Variants in KPNA7 observed in about 807,000 individuals in gnomAD.
The protein encoded by KPNA7 is karyopherin subunit alpha 7.
In KPNA7, 54 loss-of-function variants were observed where a neutral mutation model predicts 53.7. The ratio of observed to expected loss-of-function variants is 1.01; its 90% CI spans 0.81 to 1.26. The LOEUF (loss-of-function observed/expected upper bound fraction) is 1.26, where lower values mean the gene tolerates loss of function less well. Ranked by LOEUF, KPNA7 falls within the 50% of genes most tolerant of loss-of-function variation. The pLI is 0.00. For missense variants in KPNA7, 640 were observed against 644.5 expected (o/e 0.99, Z 0.07); for synonymous variants, 276 against 259.3 (o/e 1.06, Z -0.62).
chr7:99,180,727 GTCTCTCTCTCTCCCCGTGTCTC>G lies in KPNA7; in HGVS notation c.1317+1134_1317+1155del, dbSNP rs1563067956. 1.8e-4 allele frequency among the ~76,000 whole-genome samples: 16 copies of G among 89,540 alleles called. 1 individual carries two copies. The highest frequency in any genetic ancestry group is 6.1e-4 in the East Asian group (2 of 3,266). The allele number at this position is 89,540 out of a possible 152,430, so 58.7% of individuals were successfully genotyped here. On this transcript the variant is annotated intron_variant, in intron 9 of 10. Transcript: ENST00000327442. ...TGTGTCTCTCTCTCTCTCCGTCTGT[GTCTCTCTCTCTCCCCGTGTCTC>G]TCTCTCTCTCCCCGTCTGTGTCTCT...
intron 6 of KPNA7, among the ~76,000 whole-genome samples, chr7:99,190,340 AAAAAAAAAAGC>A (rs1229402563): frequency 6.6e-6 from 1 of 151,578 alleles, no homozygotes; most frequent in Non-Finnish European, 1.5e-5. Flanking sequence ...TGTCTCAAAA[AAAAAAAAAAGC>A]AGAAAAAAAA....
the KPNA7 span, among the ~76,000 whole-genome samples, chr7:99,152,617 T>A: frequency 6.6e-6 from 1 of 152,186 alleles, no homozygotes; most frequent in Non-Finnish European, 1.5e-5. Flanking sequence ...CCTTACCAAT[T>A]TAAATATACT....
the KPNA7 span, among the ~76,000 whole-genome samples, chr7:99,163,383 A>ATTTTTT: frequency 4.3e-3 from 174 of 40,810 alleles, 7 homozygotes; most frequent in African/African-American, 4.9e-3. Flanking sequence ...ATATATATAT[A>ATTTTTT]TTTTTTTTTT....
At chr7:99,163,383 A>ATATATTTT in the KPNA7 span, among the ~76,000 whole-genome samples, 14 of 40,814 alleles carry the variant, frequency 3.4e-4, no homozygotes, top group East Asian at 7.6e-4. Flanking sequence ...ATATATATAT[A>ATATATTTT]TTTTTTTTTT....
intron 10 of KPNA7, among the ~76,000 whole-genome samples, chr7:99,176,668 A>C (rs1383459376): frequency 6.6e-6 from 1 of 152,074 alleles, no homozygotes; most frequent in Admixed American, 6.6e-5. Flanking sequence ...TGAGCTCAGG[A>C]GTTTTAGACC....
chr7:99,153,263 A>G, the KPNA7 span, among the ~76,000 whole-genome samples: 1 of 152,212 alleles, frequency 6.6e-6, no homozygotes, highest in East Asian at 1.9e-4. Context: ...GTTGCTTAGA[A>G]TATGGTATTT....
chr7:99,178,834 G>A (rs893122942), intron 9 of KPNA7, among the ~76,000 whole-genome samples: 1 of 144,230 alleles, frequency 6.9e-6, no homozygotes, highest in Admixed American at 7.1e-5. Flanking sequence ...CCAGGCTGGA[G>A]TGCAGTGGCG....
chr7:99,179,672 C>G (rs1799076395), intron 9 of KPNA7, among the ~76,000 whole-genome samples: 1 of 151,982 alleles, frequency 6.6e-6, no homozygotes, highest in South Asian at 2.1e-4. Flanking sequence ...GCAACCTCCA[C>G]CACCCAGGTT....
At chr7:99,196,598 A>C (rs552517181) in intron 3 of KPNA7, among the ~76,000 whole-genome samples, 39 of 152,308 alleles carry the variant, frequency 2.6e-4, no homozygotes, top group African/African-American at 9.1e-4. Context: ...TTTATCCAAG[A>C]AAGACAGCTG....
intron 5 of KPNA7, 83 bp downstream of exon 5, chr7:99,194,987 G>A (rs1790151075): frequency 7.0e-7 from 1 of 1,428,848 alleles, no homozygotes; most frequent in South Asian, 1.4e-5. Flanking sequence ...GGGACATCGA[G>A]TATACCCCAC....
chr7:99,199,167 A>C (rs1438786778), intron 3 of KPNA7, among the ~76,000 whole-genome samples: 1 of 151,964 alleles, frequency 6.6e-6, no homozygotes, highest in Admixed American at 6.6e-5. Context: ...CCAACCTTAT[A>C]AATTCAATGA....
intron 3 of KPNA7, among the ~76,000 whole-genome samples, chr7:99,197,254 G>A (rs1234737373): frequency 6.6e-6 from 1 of 152,136 alleles, no homozygotes; most frequent in East Asian, 1.9e-4. Flanking sequence ...GTTGACCACT[G>A]AGCAAACCAA....
chr7:99,189,523 C>T (rs1789825020), intron 6 of KPNA7, among the ~76,000 whole-genome samples: 1 of 152,206 alleles, frequency 6.6e-6, no homozygotes. Context: ...CCCTCCCCTT[C>T]TGCCCCTTTC....
chr7:99,195,206 G>T lies in KPNA7; in HGVS notation c.417C>A (p.Thr139=), dbSNP rs755687794. 6.4e-7 allele frequency: 1 copy of T among 1,551,478 alleles called. No individual in the cohort carries two copies. Among genetic ancestry groups the T allele is most frequent in the Admixed American group, 2.0e-5 (1 of 50,948 alleles). ...GCTCCGAAGTCCCTGAAGCGATGTT[G>T]GTCAGGGCCCAGGCAGCCTCAAACT... is the stretch of plus-strand genomic sequence containing the variant. The part of the protein sequence containing the change: ...CLQFEAAWAL[T]NIASGTSEQT... Residue 139 remains threonine, a synonymous_variant, in exon 5 of 11, where the codon ACC becomes ACA. Coordinates refer to ENST00000327442, the MANE Select transcript of KPNA7 (RefSeq NM_001145715.3).
chr7:99,192,556 G>T (rs1790010430), intron 6 of KPNA7, among the ~76,000 whole-genome samples: 1 of 152,066 alleles, frequency 6.6e-6, no homozygotes, highest in Non-Finnish European at 1.5e-5. Flanking sequence ...GAGACTACAG[G>T]TGTACGCTAC....
chr7:99,203,353 G>T, intron 2 of KPNA7, 113 bp from the exon 3 acceptor site: 1 of 1,054,432 alleles, frequency 9.5e-7, no homozygotes, highest in Non-Finnish European at 1.4e-6. Context: ...CAATAGGCTG[G>T]AAAAGTTCAG....
At chr7:99,187,138 T>G (rs1789635914) in intron 7 of KPNA7, among the ~76,000 whole-genome samples, 1 of 151,834 alleles carries the variant, frequency 6.6e-6, no homozygotes, top group Non-Finnish European at 1.5e-5. Context: ...AATACAAAAA[T>G]TAGCTGGGCG....
At chr7:99,184,797 A>G (rs1046164346) in intron 8 of KPNA7, 132 bp downstream of exon 8, 25 of 744,630 alleles carry the variant, frequency 3.4e-5, no homozygotes, top group South Asian at 1.5e-4. Context: ...AGGCAAAGCT[A>G]GGACTCTGAG....
At chr7:99,207,144 C>T (rs1271519941) in intron 2 of KPNA7, among the ~76,000 whole-genome samples, 1 of 152,088 alleles carries the variant, frequency 6.6e-6, no homozygotes, top group Non-Finnish European at 1.5e-5. Flanking sequence ...AAGCAATTCT[C>T]CTGCCTCAGC....
Sources: gnomAD v4.1 joint callset for allele counts (sites outside exome capture counted in the v4.1 genomes callset) on GRCh38, gnomAD v4.1.1 for gene constraint, MANE v1.5 for transcripts, NCBI Gene and HGNC (gene_info 2026-07-23, HGNC 2026-07-21) for gene names.